The following HPS1 variants were observed in gnomAD, a reference collection of about 807,000 sequenced individuals.
The protein encoded by HPS1 is HPS1 biogenesis of lysosomal organelles complex 3 subunit 1.
In HPS1, 59 loss-of-function variants were observed where a neutral mutation model predicts 90.6. The ratio of observed to expected loss-of-function variants is 0.65; its 90% CI spans 0.53 to 0.81. HPS1 has a LOEUF of 0.81. Ranked by LOEUF, HPS1 falls within the 30% of genes least tolerant of loss-of-function variation. The probability of loss-of-function intolerance (pLI) is 0.00; values close to 1 mark genes in which losing one functional copy is unlikely to be tolerated. For missense variants in HPS1, 849 were observed against 896.7 expected (o/e 0.95, Z 0.68); for synonymous variants, 388 against 384.4 (o/e 1.01, Z -0.11).
downstream of HPS1, chr10:98,415,258 G>T: frequency 7.7e-7 from 1 of 1,291,830 alleles, no homozygotes; most frequent in Non-Finnish European, 1.0e-6. Context: ...CCCCCTCCAG[G>T]CCCCCTCCAC....
chr10:98,429,731 G>C (rs935362519), intron 9 of HPS1, 60 bp downstream of exon 9: 29 of 1,613,354 alleles, frequency 1.8e-5, no homozygotes, highest in Non-Finnish European at 2.4e-5. Context: ...GGAAAGGCCT[G>C]GTCGCCTGCA....
chr10:98,427,168 G>T, intron 11 of HPS1, 47 bp downstream of exon 11: 1 of 1,481,332 alleles, frequency 6.8e-7, no homozygotes. Flanking sequence ...TACTCACTGC[G>T]GCATCTCAGA....
rs369347454 is a variant in HPS1, at chr10:98,423,589, C to T, written c.1598+14G>A. 185 of 1,613,196 alleles carry T rather than the reference C, an allele frequency of 1.1e-4. 1 individual carries two copies. In the African/African-American group the frequency reaches 1.7e-3, roughly 15 times the overall value. ...AGGCTTGTTGGGCTGGCTGGGGCCC[C>T]GGCGTCAGGATATGACACCATGGTG... is the stretch of plus-strand genomic sequence containing the variant. On this transcript the variant is annotated intron_variant, in intron 16 of 19. Coordinates refer to ENST00000361490, the MANE Select transcript of HPS1 (RefSeq NM_000195.5).
chr10:98,427,734 T>C (rs1204875667), intron 10 of HPS1, among the ~76,000 whole-genome samples: 1 of 152,200 alleles, frequency 6.6e-6, no homozygotes, highest in Non-Finnish European at 1.5e-5. Flanking sequence ...TGCTGGGAAT[T>C]GAGGTGGATT....
downstream of HPS1, chr10:98,414,924 G>A: frequency 6.5e-7 from 1 of 1,543,134 alleles, no homozygotes; most frequent in Non-Finnish European, 8.8e-7. Context: ...GTGGGGCTTG[G>A]CTCCCCCTCC....
chr10:98,425,644 T>G lies in HPS1; in HGVS notation c.1232A>C (p.Glu411Ala), dbSNP rs537466059. The change falls in exon 13 of 20, where the codon GAA becomes GCA. Residue 411 changes from glutamate (E) to alanine (A), a missense_variant. By Grantham distance (107) the Glu-to-Ala change is moderately radical. Transcript: ENST00000361490. Reference sequence around the variant, plus strand: ...CAGGGAGGCCCCGGGCTCCGGCCCTTCCTTCAGCTTCTTCTCCAGCATGGA... The same window carrying G: ...CAGGGAGGCCCCGGGCTCCGGCCCTGCCTTCAGCTTCTTCTCCAGCATGGA... ...GFSMLEKKLKEGPEPGASLRS... is the reference protein window; with the variant it reads ...GFSMLEKKLKAGPEPGASLRS... 9.9e-6 allele frequency: 16 copies of G among 1,613,788 alleles called. 1 individual carries two copies. The highest frequency in any genetic ancestry group is 1.7e-4 in the Middle Eastern group (1 of 6,058).
At position 98,423,900 on chromosome 10, in the gene HPS1, G is replaced by C. The variant is rs1476161307; in HGVS notation, c.1398-13C>G. Reference sequence around the variant, plus strand: ...TGCCTGGAGCAGCCTGAGCACGAGAGAGGAGGGCATTACAGCAGAAGGGAC... The same window carrying C: ...TGCCTGGAGCAGCCTGAGCACGAGACAGGAGGGCATTACAGCAGAAGGGAC... On this transcript the variant is annotated splice_polypyrimidine_tract_variant and intron_variant, in intron 14 of 19. Coordinates refer to ENST00000361490, the MANE Select transcript of HPS1 (RefSeq NM_000195.5). 6.2e-7 allele frequency: 1 copy of C among 1,613,130 alleles called. No homozygotes were observed. Among genetic ancestry groups the C allele is most frequent in the Non-Finnish European group, 8.5e-7 (1 of 1,179,996 alleles).
chr10:98,434,822 C>T (rs186816010), intron 5 of HPS1, among the ~76,000 whole-genome samples: 4 of 152,228 alleles, frequency 2.6e-5, no homozygotes, highest in Admixed American at 2.6e-4. Context: ...GGCCCAGAGA[C>T]AGGTTTTAAG....
chr10:98,441,486 C>T (rs1037930652), intron 3 of HPS1, among the ~76,000 whole-genome samples: 8 of 152,138 alleles, frequency 5.3e-5, no homozygotes, highest in African/African-American at 1.9e-4. Flanking sequence ...AGATATAACA[C>T]TAAAAGCATA....
chr10:98,430,644 G>A lies in HPS1; in HGVS notation c.695C>T (p.Ala232Val), dbSNP rs764420988. The A allele has an allele frequency of 1.0e-4, 162 of 1,554,814 alleles. 2 individuals are homozygous for A. The Middle Eastern group carries it at 4.2e-3, about 40-fold the overall frequency. The change falls in exon 8 of 20, where the codon GCC (alanine) becomes GTC (valine). Residue 232 changes from alanine to valine, a missense_variant. Physicochemically the swap from Ala to Val is moderately conservative, Grantham distance 64 (BLOSUM62 0). Transcript: ENST00000361490. The part of the protein sequence containing the change: ...SSHSASSLRP[A>V]DLLALILLVQ... ...CAGGAGGATGAGGGCAAGCAGGTCG[G>A]CCGGGCGCAGGGAGCTGGCACTGTG...
chr10:98,427,806 T>C (rs771472308), intron 10 of HPS1, among the ~76,000 whole-genome samples: 1 of 152,234 alleles, frequency 6.6e-6, no homozygotes, highest in Non-Finnish European at 1.5e-5. Flanking sequence ...ATATTATGTG[T>C]CTGTAATAAT....
At chr10:98,439,065 C>T (rs1424640883) in intron 3 of HPS1, among the ~76,000 whole-genome samples, 1 of 152,214 alleles carries the variant, frequency 6.6e-6, no homozygotes, top group Non-Finnish European at 1.5e-5. Flanking sequence ...AAATCAAAAA[C>T]TGAGGTTTGG....
At position 98,435,881 on chromosome 10, in the gene HPS1, C is replaced by A; in HGVS notation, c.118-109G>T. 1 of 1,379,888 alleles carries A rather than the reference C, an allele frequency of 7.2e-7. No individual in the cohort carries two copies. The highest frequency in any genetic ancestry group is 1.0e-6 in the Non-Finnish European group (1 of 983,996). 85.5% of individuals were successfully genotyped at this position (1,379,888 alleles called of 1,614,324 possible). On this transcript the variant is annotated intron_variant, in intron 3 of 19. Coordinates refer to ENST00000361490, the MANE Select transcript of HPS1 (RefSeq NM_000195.5). This position sits in a 1 kb window ranked among gnomAD's most constrained non-coding sequence, Gnocchi z 4.3. ...CAAGGGTTCCATAGTGTTAGACCCT[C>A]CTGGGAGGGTATCACTGTCCTGGTA...
At position 98,439,188 on chromosome 10, in the gene HPS1, T is replaced by C. The variant is rs553128419; in HGVS notation, c.118-3416A>G. ...ACCTCTGCTAGAGTGATTAAGGGAA[T>C]GTGGGGTCAGACACCTCCACACAGA... On this transcript the variant is annotated intron_variant, in intron 3 of 19. Transcript: ENST00000361490. Among the ~76,000 whole-genome samples the C allele has an allele frequency of 3.3e-5, 5 of 152,302 alleles. No individual in the cohort carries two copies. In the East Asian group the frequency reaches 5.8e-4, roughly 18 times the overall value.
In HPS1 at chr10:98,431,140, A is replaced by C; in HGVS notation, c.659T>G (p.Phe220Cys). Residue 220 changes from phenylalanine to cysteine, a missense_variant, in exon 7 of 20, where the codon TTC (phenylalanine) becomes TGC (cysteine). Coordinates refer to ENST00000361490, the MANE Select transcript of HPS1 (RefSeq NM_000195.5). ...FLLVHSKLLA[F>C]YSSHSASSLR... Reference sequence around the variant, plus strand: ...CAGACCTTGAGCTCACCTAGAGTAGAATGCCAGCAGCTTGGAGTGCACGAG... The same window carrying C: ...CAGACCTTGAGCTCACCTAGAGTAGCATGCCAGCAGCTTGGAGTGCACGAG... 1 of 1,614,150 alleles carries C rather than the reference A, an allele frequency of 6.2e-7. No homozygotes were observed. Among genetic ancestry groups the C allele is most frequent in the Non-Finnish European group, 8.5e-7 (1 of 1,180,018 alleles).
intron 10 of HPS1, among the ~76,000 whole-genome samples, chr10:98,428,744 G>A (rs1591071639): frequency 9.8e-6 from 1 of 102,552 alleles, no homozygotes; most frequent in Admixed American, 1.2e-4. Flanking sequence ...TAAATGTAAT[G>A]TTTATTCATA....
Position 98,429,813 on chromosome 10 carries a change from G to C in HPS1, c.845C>G (p.Thr282Ser), listed in dbSNP as rs777593730. The C allele has an allele frequency of 1.2e-6, 2 of 1,613,800 alleles. No individual in the cohort carries two copies. The highest frequency in any genetic ancestry group is 1.7e-6 in the Non-Finnish European group (2 of 1,180,008). The stretch of plus-strand genomic sequence containing the variant: ...CACCGTCTCTGCAGAGCTCCCCCCA[G>C]TTGGGCCCGTGGAGTGAGGGCTCCA... Reference protein sequence around the residue: ...QAWSPHSTGPTGGSSAETETD... With the variant: ...QAWSPHSTGPSGGSSAETETD... Residue 282 changes from threonine (T) to serine (S), a missense_variant, in exon 9 of 20, where the codon ACT (threonine) becomes AGT (serine). Coordinates refer to ENST00000361490, the MANE Select transcript of HPS1 (RefSeq NM_000195.5).
intron 18 of HPS1, 31 bp from the exon 19 acceptor site, chr10:98,418,288 G>T (rs771688467): frequency 1.4e-5 from 19 of 1,361,520 alleles, no homozygotes; most frequent in Non-Finnish European, 2.0e-5. Context: ...GGCAGTGGGT[G>T]TGGGGGTAGT....
intron 16 of HPS1, among the ~76,000 whole-genome samples, chr10:98,422,745 C>T (rs1470723648): frequency 9.9e-5 from 15 of 152,224 alleles, no homozygotes; most frequent in South Asian, 2.1e-4. Flanking sequence ...ACATTTGACA[C>T]GGGCAGTTCT....
Sources: allele counts gnomAD v4.1 joint callset (sites outside exome capture counted in the v4.1 genomes callset), GRCh38; gene constraint gnomAD v4.1.1; non-coding constraint Gnocchi (gnomAD v3.1); transcripts MANE v1.5; gene names NCBI Gene and HGNC (gene_info 2026-07-23, HGNC 2026-07-21).